COMMD10: variants seen among roughly 807,000 people sequenced by gnomAD.
The protein encoded by COMMD10 is COMM domain-containing protein 10.
In COMMD10, 33 loss-of-function variants were observed where a neutral mutation model predicts 28.9. That is an observed-to-expected ratio of 1.14 (90% CI 0.87 to 1.53). The LOEUF (loss-of-function observed/expected upper bound fraction) is 1.53, where lower values mean the gene tolerates loss of function less well. Among genes scored for constraint, COMMD10 ranks in the 40% most tolerant of loss-of-function variants. The pLI is 0.00. For synonymous variants in COMMD10, 110 were observed against 81.7 expected, an observed-to-expected ratio of 1.35 and a Z score of -1.87; for missense variants, 310 against 233.4, an observed-to-expected ratio of 1.33 and a Z score of -2.14.
intron 5 of COMMD10, among the ~76,000 whole-genome samples, chr5:116,175,488 T>A (rs563159849): frequency 6.6e-6 from 1 of 152,264 alleles, no homozygotes; most frequent in South Asian, 2.1e-4. Flanking sequence ...TAAAAAATTA[T>A]ACATAGAATT....
chr5:116,086,499 C>A (rs944033738), intron 1 of COMMD10, among the ~76,000 whole-genome samples: 2 of 151,768 alleles, frequency 1.3e-5, no homozygotes, highest in Non-Finnish European at 2.9e-5. Context: ...CCTCTTGTTG[C>A]GCAGGCTGGA....
Position 116,286,739 on chromosome 5 carries a change from C to T in COMMD10, c.511-4778C>T, listed in dbSNP as rs923111908. Among the ~76,000 whole-genome samples, 20 of 151,826 alleles carry T rather than the reference C, an allele frequency of 1.3e-4. 1 individual carries two copies. The Middle Eastern group carries it at 0.01, about 78-fold the overall frequency. Reference sequence around the variant, plus strand: ...TCAGAAAAGATACTTTGTATGATTTCAGTCTTCTGGAATTTAAGATTTGTT... The same window carrying T: ...TCAGAAAAGATACTTTGTATGATTTTAGTCTTCTGGAATTTAAGATTTGTT... On this transcript the variant is annotated intron_variant, in intron 5 of 6. Coordinates refer to ENST00000274458, the MANE Select transcript of COMMD10 (RefSeq NM_016144.4).
At chr5:116,176,195 T>A (rs933799090) in intron 5 of COMMD10, among the ~76,000 whole-genome samples, 2 of 152,184 alleles carry the variant, frequency 1.3e-5, no homozygotes, top group East Asian at 3.8e-4. Context: ...CTCTGCAACC[T>A]CCACCTACAA....
chr5:116,113,869 G>A (rs183789284), intron 4 of COMMD10, among the ~76,000 whole-genome samples: 8 of 151,468 alleles, frequency 5.3e-5, no homozygotes, highest in East Asian at 1.9e-4. Context: ...CATGTTTCTT[G>A]TGTTTTTATG....
chr5:116,184,915 G>A (rs1230772186), intron 5 of COMMD10, among the ~76,000 whole-genome samples: 1 of 151,994 alleles, frequency 6.6e-6, no homozygotes, highest in East Asian at 1.9e-4. Flanking sequence ...TATTAACTTT[G>A]TGACTTTAGG....
chr5:116,241,034 C>G (rs569853002), intron 5 of COMMD10, among the ~76,000 whole-genome samples: 1 of 152,190 alleles, frequency 6.6e-6, no homozygotes, highest in South Asian at 2.1e-4. Context: ...GAATCTGAGA[C>G]CCAGTAAGAT....
At chr5:116,142,868 A>G (rs1351231886) in intron 5 of COMMD10, among the ~76,000 whole-genome samples, 1 of 151,690 alleles carries the variant, frequency 6.6e-6, no homozygotes, top group African/African-American at 2.4e-5. Flanking sequence ...TTGCCAAGAT[A>G]CTTTGAAAAC....
intron 4 of COMMD10, among the ~76,000 whole-genome samples, chr5:116,109,883 T>C (rs1314245808): frequency 6.6e-6 from 1 of 152,238 alleles, no homozygotes; most frequent in Non-Finnish European, 1.5e-5. Flanking sequence ...GCCTGATGGC[T>C]GTGGCTAGGA....
intron 5 of COMMD10, among the ~76,000 whole-genome samples, chr5:116,273,344 A>G (rs1176420352): frequency 1.3e-5 from 2 of 151,808 alleles, no homozygotes; most frequent in East Asian, 1.9e-4. Context: ...TGAACCAGCC[A>G]TATGTGACCT....
Position 116,113,606 on chromosome 5 carries a change from A to G in COMMD10, c.400-20462A>G, listed in dbSNP as rs549347943. Among the ~76,000 whole-genome samples the G allele has an allele frequency of 2.6e-5, 4 of 151,872 alleles. No homozygotes were observed. The South Asian group carries it at 8.4e-4, about 32-fold the overall frequency. On this transcript the variant is annotated intron_variant, in intron 4 of 6. Transcript: ENST00000274458. Reference sequence around the variant, plus strand: ...TTATTGGAGTTTCCATGTATTTTATATCTCCTTCAGTGAATTTTTTAGTTC... The same window carrying G: ...TTATTGGAGTTTCCATGTATTTTATGTCTCCTTCAGTGAATTTTTTAGTTC...
At chr5:116,213,731 A>C (rs1216760417) in intron 5 of COMMD10, among the ~76,000 whole-genome samples, 1 of 152,000 alleles carries the variant, frequency 6.6e-6, no homozygotes, top group Non-Finnish European at 1.5e-5. Context: ...GTCTTATTTT[A>C]ATTTTCCAGA....
At chr5:116,150,466 A>T (rs1340113760) in intron 5 of COMMD10, among the ~76,000 whole-genome samples, 2 of 151,814 alleles carry the variant, frequency 1.3e-5, no homozygotes, top group East Asian at 1.9e-4. Context: ...TATTTTCATG[A>T]TATTGATTCT....
intron 5 of COMMD10, among the ~76,000 whole-genome samples, chr5:116,280,331 C>G (rs1751038672): frequency 6.6e-6 from 1 of 151,828 alleles, no homozygotes. Flanking sequence ...GCTTTGCTTG[C>G]ACTTTCTCAG....
At chr5:116,157,853 T>G (rs1752768212) in intron 5 of COMMD10, among the ~76,000 whole-genome samples, 1 of 152,186 alleles carries the variant, frequency 6.6e-6, no homozygotes, top group African/African-American at 2.4e-5. Context: ...AGTAACAGTC[T>G]TTTTAGTTTT....
chr5:116,217,552 G>A (rs1749137679), intron 5 of COMMD10, among the ~76,000 whole-genome samples: 1 of 152,184 alleles, frequency 6.6e-6, no homozygotes, highest in Non-Finnish European at 1.5e-5. Context: ...TCTTTTGACA[G>A]GTGCCATCTC....
At chr5:116,155,758 G>A (rs1467877868) in intron 5 of COMMD10, among the ~76,000 whole-genome samples, 2 of 151,968 alleles carry the variant, frequency 1.3e-5, no homozygotes, top group African/African-American at 4.8e-5. Flanking sequence ...AGGAATGACT[G>A]CCTCCCACAG....
chr5:116,168,241 G>A (rs1262811395), intron 5 of COMMD10, among the ~76,000 whole-genome samples: 1 of 150,946 alleles, frequency 6.6e-6, no homozygotes, highest in African/African-American at 2.4e-5. Flanking sequence ...AGACAAAGAA[G>A]GGCATTACAT....
chr5:116,158,137 C>G (rs1309003453), intron 5 of COMMD10, among the ~76,000 whole-genome samples: 2 of 109,842 alleles, frequency 1.8e-5, no homozygotes, highest in African/African-American at 7.5e-5. Flanking sequence ...TCCCTCCCTT[C>G]CCCTCCCTCC....
At position 116,257,052 on chromosome 5, in the gene COMMD10, T is replaced by A. The variant is rs541858547; in HGVS notation, c.511-34465T>A. ...CTACAGTGCTGTTTTTGTTAAAAGG[T>A]TACTCTACTCTGTATTTTATTTTTT... is the stretch of plus-strand genomic sequence containing the variant. On this transcript the variant is annotated intron_variant, in intron 5 of 6. Transcript: ENST00000274458. Among the ~76,000 whole-genome samples the A allele has an allele frequency of 7.8e-4, 118 of 151,902 alleles. 3 individuals carry two copies. The highest frequency in any genetic ancestry group is 2.8e-3 in the African/African-American group (115 of 41,288).
Sources: allele counts gnomAD v4.1 joint callset (sites outside exome capture counted in the v4.1 genomes callset), GRCh38; gene constraint gnomAD v4.1.1; transcripts MANE v1.5; gene names NCBI Gene and HGNC (gene_info 2026-07-23, HGNC 2026-07-21).